KCNN2: variants seen among roughly 807,000 people sequenced by gnomAD.
KCNN2 encodes small conductance calcium-activated potassium channel protein 2.
KCNN2 carries 24 observed loss-of-function variants against 55.5 expected under a neutral mutation model. That is an observed-to-expected ratio of 0.43 (90% CI 0.31 to 0.61). KCNN2 has a LOEUF of 0.61. Among genes scored for constraint, KCNN2 ranks in the 20% least tolerant of loss-of-function variants. The probability of loss-of-function intolerance (pLI) is 0.08; values close to 1 mark genes in which losing one functional copy is unlikely to be tolerated. For missense variants in KCNN2, 754 were observed against 853.6 expected, an observed-to-expected ratio of 0.88 and a Z score of 1.45; for synonymous variants, 431 against 336.1, an observed-to-expected ratio of 1.28 and a Z score of -3.09.
chr5:114,138,448 C>T (rs1429314170), intron 1 of KCNN2, among the ~76,000 whole-genome samples: 1 of 152,088 alleles, frequency 6.6e-6, no homozygotes, highest in African/African-American at 2.4e-5. Flanking sequence ...ATTTCATCTG[C>T]ACATTTTTAT....
intron 2 of KCNN2, among the ~76,000 whole-genome samples, chr5:114,242,706 A>C (rs1360421251): frequency 6.6e-6 from 1 of 152,216 alleles, no homozygotes; most frequent in Non-Finnish European, 1.5e-5. Context: ...ATTGGTATAC[A>C]TTTTTGTGAA....
At position 114,294,725 on chromosome 5, in the gene KCNN2, C is replaced by T. The variant is rs188644419; in HGVS notation, c.-184-66220C>T. Among the ~76,000 whole-genome samples, 9 of 152,072 alleles carry T rather than the reference C, an allele frequency of 5.9e-5. No homozygotes were observed. In the South Asian group the frequency reaches 6.2e-4, roughly 11 times the overall value. ...CTATTAGGTCCGCTTGGTGCAGAGC[C>T]GAGTTCAATTCCTGGGTATCCTTGT... On this transcript the variant is annotated intron_variant, in intron 2 of 10. Transcript: ENST00000512097.
chr5:114,463,342 T>A (rs1244144196), intron 4 of KCNN2, 152 bp downstream of exon 4: 2 of 592,150 alleles, frequency 3.4e-6, no homozygotes, highest in Non-Finnish European at 5.7e-6. Context: ...AGAGAGAATG[T>A]CAACAGTTTT....
At chr5:114,292,484 CA>C (rs1755913499) in intron 2 of KCNN2, among the ~76,000 whole-genome samples, 3 of 152,138 alleles carry the variant, frequency 2.0e-5, no homozygotes, top group Admixed American at 2.0e-4. Flanking sequence ...CCAGGTTTGT[CA>C]AAGATCAGAT....
In KCNN2 at chr5:114,162,405, C is replaced by T. The variant is rs147051539; in HGVS notation, c.-270-59075C>T. On this transcript the variant is annotated intron_variant, in intron 1 of 10. Transcript: ENST00000512097. Reference sequence around the variant, plus strand: ...TACCCGGCCGTTTGAGGTGTCAGTCCGCCCCTACTGGGGGGTGCCTCCCAG... The same window carrying T: ...TACCCGGCCGTTTGAGGTGTCAGTCTGCCCCTACTGGGGGGTGCCTCCCAG... 6.6e-5 allele frequency among the ~76,000 whole-genome samples: 10 copies of T among 152,216 alleles called. No individual in the cohort carries two copies. The South Asian group carries it at 8.3e-4, about 13-fold the overall frequency.
chr5:114,460,131 A>G (rs183432999), intron 3 of KCNN2, among the ~76,000 whole-genome samples: 23 of 152,316 alleles, frequency 1.5e-4, no homozygotes, highest in African/African-American at 5.5e-4. Context: ...GGCAACGGCC[A>G]TGAAGGTACC....
chr5:114,150,571 G>T (rs1457107468), intron 1 of KCNN2, among the ~76,000 whole-genome samples: 7 of 152,114 alleles, frequency 4.6e-5, no homozygotes, highest in African/African-American at 1.7e-4. Context: ...AAAGCCTTTG[G>T]TCCACTGGCC....
intron 1 of KCNN2, among the ~76,000 whole-genome samples, chr5:114,102,167 A>G (rs189153263): frequency 1.9e-4 from 29 of 152,176 alleles, no homozygotes; most frequent in African/African-American, 6.7e-4. Context: ...TTTGATTTGC[A>G]TTTCTCTAAT....
chr5:114,112,297 G>T (rs543934329), intron 1 of KCNN2, among the ~76,000 whole-genome samples: 37 of 152,082 alleles, frequency 2.4e-4, no homozygotes, highest in Non-Finnish European at 3.5e-4. Context: ...ATGGACACAG[G>T]GTGGGGAACA....
intron 1 of KCNN2, among the ~76,000 whole-genome samples, chr5:114,160,098 G>C (rs1278764200): frequency 1.3e-5 from 2 of 151,814 alleles, no homozygotes; most frequent in Non-Finnish European, 2.9e-5. Context: ...GTGATGTTAG[G>C]GTGTCAATTT....
intron 2 of KCNN2, among the ~76,000 whole-genome samples, chr5:114,255,778 T>C (rs1754970141): frequency 6.6e-6 from 1 of 152,142 alleles, no homozygotes; most frequent in Non-Finnish European, 1.5e-5. Context: ...TGGGAATACA[T>C]AGAATTTAGG....
intron 2 of KCNN2, 146 bp from the exon 3 acceptor site, chr5:114,404,292 A>G (rs1163665467): frequency 4.8e-6 from 3 of 629,802 alleles, no homozygotes; most frequent in African/African-American, 1.8e-5. Context: ...TACTAAAAAT[A>G]GTATACCTGG....
chr5:114,471,808 C>T (rs1047401867), intron 4 of KCNN2, among the ~76,000 whole-genome samples: 3 of 152,152 alleles, frequency 2.0e-5, no homozygotes, highest in Admixed American at 1.3e-4. Context: ...ATCATTGTGG[C>T]AATGTTTCCA....
At chr5:114,088,941 T>G (rs1167455287) in intron 1 of KCNN2, among the ~76,000 whole-genome samples, 1 of 152,218 alleles carries the variant, frequency 6.6e-6, no homozygotes, top group East Asian at 1.9e-4. Flanking sequence ...TTTTAAATAT[T>G]GTAATATCAG....
At chr5:114,466,048 A>G (rs905575822) in intron 4 of KCNN2, among the ~76,000 whole-genome samples, 1 of 152,106 alleles carries the variant, frequency 6.6e-6, no homozygotes, top group Non-Finnish European at 1.5e-5. Context: ...AGAATGTAGA[A>G]ATTTCTTCAT....
chr5:114,093,403 T>A (rs968516764), intron 1 of KCNN2, among the ~76,000 whole-genome samples: 8 of 152,226 alleles, frequency 5.3e-5, no homozygotes, highest in Non-Finnish European at 1.0e-4. Context: ...TTCTGAGCCC[T>A]CCAAACTGTT....
At chr5:114,295,950 G>T (rs1040304465) in intron 2 of KCNN2, among the ~76,000 whole-genome samples, 1 of 152,074 alleles carries the variant, frequency 6.6e-6, no homozygotes, top group Non-Finnish European at 1.5e-5. Flanking sequence ...ATAACCTAAG[G>T]TGCCATGAAA....
intron 6 of KCNN2, 49 bp downstream of exon 6, chr5:114,487,226 A>C (rs761708613): frequency 9.0e-6 from 14 of 1,554,414 alleles, no homozygotes; most frequent in East Asian, 4.5e-5. Context: ...CTTGGCTTTC[A>C]ATTTTTGCAC....
intron 1 of KCNN2, among the ~76,000 whole-genome samples, chr5:114,150,785 G>C (rs1752504745): frequency 6.6e-6 from 1 of 152,194 alleles, no homozygotes; most frequent in African/African-American, 2.4e-5. Context: ...ACTTTGGAAG[G>C]CTGAAGCAGG....
Sources: gnomAD v4.1 joint callset for allele counts (sites outside exome capture counted in the v4.1 genomes callset) on GRCh38, gnomAD v4.1.1 for gene constraint, MANE v1.5 for transcripts, NCBI Gene and HGNC (gene_info 2026-07-23, HGNC 2026-07-21) for gene names.